Variants in CPEB3 observed in about 807,000 individuals in gnomAD.
The protein encoded by CPEB3 is cytoplasmic polyadenylation element binding protein 3, also known as cytoplasmic polyadenylation element-binding protein 3.
A neutral mutation model predicts 67.2 loss-of-function variants in CPEB3; 20 were observed. The ratio of observed to expected loss-of-function variants is 0.30; its 90% CI spans 0.21 to 0.43. The LOEUF is 0.43. CPEB3 is among the 20% of genes least tolerant of loss of function. The probability of loss-of-function intolerance (pLI) is 1.00; values close to 1 mark genes in which losing one functional copy is unlikely to be tolerated. For synonymous variants in CPEB3, 376 were observed against 393.1 expected (o/e 0.96, Z 0.51); for missense variants, 746 against 968.6 (o/e 0.77, Z 3.05).
chr10:92,065,983 G>C (rs1842532767), intron 9 of CPEB3, among the ~76,000 whole-genome samples: 1 of 152,036 alleles, frequency 6.6e-6, no homozygotes, highest in African/African-American at 2.4e-5. Flanking sequence ...TGTGGTTCCA[G>C]CTACTCGGGA....
chr10:92,173,315 T>A (rs76546427), intron 4 of CPEB3, among the ~76,000 whole-genome samples: 9,299 of 152,214 alleles, frequency 0.061, 398 homozygotes, highest in Middle Eastern at 0.12. Flanking sequence ...AACTACCCAA[T>A]ACTGTCACTT....
At chr10:92,228,751 T>G (rs1041118337) in intron 2 of CPEB3, among the ~76,000 whole-genome samples, 6 of 151,780 alleles carry the variant, frequency 4.0e-5, no homozygotes, top group Non-Finnish European at 5.9e-5. Flanking sequence ...GCTCGCTCTG[T>G]TGCCCAGGCT....
intron 3 of CPEB3, among the ~76,000 whole-genome samples, chr10:92,187,976 G>A (rs1417476742): frequency 6.6e-6 from 1 of 152,036 alleles, no homozygotes; most frequent in Non-Finnish European, 1.5e-5. Flanking sequence ...TGGAAGGATT[G>A]CTTGAGCTCA....
chr10:92,251,596 T>C (rs1852304580), intron 1 of CPEB3, among the ~76,000 whole-genome samples: 1 of 152,250 alleles, frequency 6.6e-6, no homozygotes, highest in Admixed American at 6.5e-5. Flanking sequence ...ATAAAGGGTA[T>C]TCGAGTCAAC....
At chr10:92,082,238 C>T (rs372884796) in intron 8 of CPEB3, among the ~76,000 whole-genome samples, 2 of 152,124 alleles carry the variant, frequency 1.3e-5, no homozygotes, top group African/African-American at 4.8e-5. Flanking sequence ...GGCCTGTACT[C>T]CTTGTCACAT....
intron 1 of CPEB3, among the ~76,000 whole-genome samples, chr10:92,244,683 C>T (rs768245770): frequency 2.8e-4 from 43 of 151,990 alleles, no homozygotes; most frequent in South Asian, 6.2e-4. Flanking sequence ...GTGATCCGCC[C>T]GCCTCTGCCT....
chr10:92,278,065 A>G (rs1274246695), intron 1 of CPEB3, among the ~76,000 whole-genome samples: 2 of 151,536 alleles, frequency 1.3e-5, no homozygotes, highest in East Asian at 3.9e-4. Context: ...GGGTGCCTGT[A>G]ATCCCAGTTA....
intron 2 of CPEB3, among the ~76,000 whole-genome samples, chr10:92,221,442 G>A (rs541822901): frequency 2.6e-5 from 4 of 152,284 alleles, no homozygotes; most frequent in Admixed American, 2.0e-4. Context: ...GCAGTGAGAC[G>A]AGATCACGCC....
chr10:92,168,195 A>G (rs1302772902), intron 4 of CPEB3, among the ~76,000 whole-genome samples: 3 of 152,214 alleles, frequency 2.0e-5, no homozygotes, highest in Non-Finnish European at 2.9e-5. Context: ...AGTTGTTATT[A>G]GAAACATAAG....
chr10:92,198,068 T>A (rs899521450), intron 2 of CPEB3, among the ~76,000 whole-genome samples: 1 of 152,140 alleles, frequency 6.6e-6, no homozygotes, highest in Non-Finnish European at 1.5e-5. Context: ...ATCACGCCAT[T>A]GCACTCCACC....
At chr10:92,206,314 C>T (rs1164063101) in intron 2 of CPEB3, among the ~76,000 whole-genome samples, 1 of 151,996 alleles carries the variant, frequency 6.6e-6, no homozygotes, top group Non-Finnish European at 1.5e-5. Context: ...CTCTGGTGAT[C>T]CACCCTCCTC....
At chr10:92,132,013 A>G (rs890652117) in intron 6 of CPEB3, among the ~76,000 whole-genome samples, 10 of 152,214 alleles carry the variant, frequency 6.6e-5, no homozygotes, top group Non-Finnish European at 1.5e-4. Flanking sequence ...ATTTAATCCA[A>G]TATCTCCATA....
intron 7 of CPEB3, among the ~76,000 whole-genome samples, chr10:92,100,058 C>A (rs1430401754): frequency 1.3e-5 from 2 of 152,038 alleles, no homozygotes; most frequent in East Asian, 3.9e-4. Flanking sequence ...TCGTTTAGGC[C>A]CAGGAGTTTG....
chr10:92,098,559 A>G (rs1432219319), intron 7 of CPEB3, among the ~76,000 whole-genome samples: 1 of 152,022 alleles, frequency 6.6e-6, no homozygotes, highest in Admixed American at 6.6e-5. Context: ...CCTCAGTGTG[A>G]AGTTTTCAGA....
rs1404036375 is a variant in CPEB3, at chr10:92,239,771, C to T, written c.580G>A (p.Ala194Thr). The change falls in exon 2 of 10, where the codon GCC becomes ACC. Residue 194 changes from alanine to threonine, a missense_variant. By Grantham distance (58) the Ala-to-Thr change is moderately conservative (BLOSUM62 0). Around this residue, in one of 2 missense-constraint regions of CPEB3, gnomAD observed 643 missense variants for 717.5 expected, o/e 0.90. Coordinates refer to ENST00000265997, the MANE Select transcript of CPEB3 (RefSeq NM_014912.5). The surrounding 1 kb of genome is among the most constrained non-coding windows in gnomAD (Gnocchi z 6.0). ...AQPPQQRRSP[A>T]SPSQAPYAQR... ...GCGTAGGGCGCCTGGCTGGGGCTGG[C>T]GGGTGAGCGGCGCTGCTGCGGGGGC... 7.0e-7 allele frequency: 1 copy of T among 1,427,990 alleles called. No homozygotes were observed. 88.5% of individuals were successfully genotyped at this position (1,427,990 alleles called of 1,614,324 possible).
At chr10:92,122,890 T>G (rs1452103695) in intron 6 of CPEB3, among the ~76,000 whole-genome samples, 4 of 152,226 alleles carry the variant, frequency 2.6e-5, no homozygotes, top group African/African-American at 9.6e-5. Flanking sequence ...TGCAGATAGA[T>G]ACTGCCTAAG....
At chr10:92,114,419 C>T (rs537586708) in intron 6 of CPEB3, among the ~76,000 whole-genome samples, 6 of 152,232 alleles carry the variant, frequency 3.9e-5, no homozygotes, top group African/African-American at 7.2e-5. Context: ...CAATGTGAGG[C>T]GGAAATCCAA....
At chr10:92,169,221 C>A (rs1847893573) in intron 4 of CPEB3, among the ~76,000 whole-genome samples, 1 of 151,724 alleles carries the variant, frequency 6.6e-6, no homozygotes, top group Non-Finnish European at 1.5e-5. Flanking sequence ...TCACTGCAAC[C>A]TCCACCTCCC....
intron 2 of CPEB3, among the ~76,000 whole-genome samples, chr10:92,232,444 C>A (rs1479280129): frequency 6.6e-6 from 1 of 151,968 alleles, no homozygotes; most frequent in Non-Finnish European, 1.5e-5. Flanking sequence ...GATGGCATTA[C>A]ACCTTATACA....
Sources: gnomAD v4.1 joint callset for allele counts (sites outside exome capture counted in the v4.1 genomes callset) on GRCh38, gnomAD v4.1.1 for gene constraint, gnomAD v4.1.1 regional missense constraint, Gnocchi (gnomAD v3.1) non-coding constraint, MANE v1.5 for transcripts, NCBI Gene and HGNC (gene_info 2026-07-23, HGNC 2026-07-21) for gene names.